The following FSCN1 variants were observed in gnomAD, a reference collection of about 807,000 sequenced individuals.
The protein encoded by FSCN1 is fascin actin-bundling protein 1, also known as fascin.
FSCN1 carries 10 observed loss-of-function variants against 39.7 expected under a neutral mutation model. That is an observed-to-expected ratio of 0.25 (90% CI 0.16 to 0.43). The LOEUF (loss-of-function observed/expected upper bound fraction) is 0.43, where lower values mean the gene tolerates loss of function less well. FSCN1 is among the 20% of genes least tolerant of loss of function. The probability of loss-of-function intolerance (pLI) is 1.00; values close to 1 mark genes in which losing one functional copy is unlikely to be tolerated. For synonymous variants in FSCN1, 322 were observed against 320.0 expected, an observed-to-expected ratio of 1.01 and a Z score of -0.07; for missense variants, 525 against 723.8, an observed-to-expected ratio of 0.73 and a Z score of 3.15.
At chr7:5,595,082 G>A (rs1785707116) in intron 1 of FSCN1, among the ~76,000 whole-genome samples, 1 of 152,120 alleles carries the variant, frequency 6.6e-6, no homozygotes, top group African/African-American at 2.4e-5. Context: ...ATAGGAAGTC[G>A]GACCCCAGGC....
intron 1 of FSCN1, 158 bp downstream of exon 1, chr7:5,593,926 AG>A: frequency 5.1e-6 from 3 of 589,530 alleles, no homozygotes; most frequent in Non-Finnish European, 8.7e-6. Flanking sequence ...CCCCGCCTGG[AG>A]GGGGCGAGGA....
At position 5,593,550 on chromosome 7, in the gene FSCN1, G is replaced by C. The variant is rs1785672171; in HGVS notation, c.614G>C (p.Arg205Pro). The change falls in exon 1 of 5, where the codon CGC becomes CCC. Residue 205 changes from arginine to proline, a missense_variant. By Grantham distance (103) the Arg-to-Pro change is moderately radical. Transcript: ENST00000382361. ...CGCCACGACGGGCGCCTGGTGGCGC[G>C]CCCCGAGCCGGCCACTGGCTACACG... ...FLRHDGRLVA[R>P]PEPATGYTLE... 8 of 1,587,506 alleles carry C rather than the reference G, an allele frequency of 5.0e-6. No individual in the cohort carries two copies. The highest frequency in any genetic ancestry group is 6.8e-6 in the Non-Finnish European group (8 of 1,172,408).
In FSCN1 at chr7:5,593,779, A is replaced by G. The variant is rs774558302; in HGVS notation, c.832+11A>G. 4.6e-6 allele frequency: 7 copies of G among 1,512,514 alleles called. No homozygotes were observed. The African/African-American group carries it at 8.3e-5, about 18-fold the overall frequency. 93.7% of individuals were successfully genotyped at this position (1,512,514 alleles called of 1,614,324 possible). On this transcript the variant is annotated intron_variant, in intron 1 of 4. Coordinates refer to ENST00000382361, the MANE Select transcript of FSCN1 (RefSeq NM_003088.4). Reference sequence around the variant, plus strand: ...TGTCCACGCGCCAGGGTGAGTGGGGACGCTGCCCCCGCCTCTCCTGGTCCG... The same window carrying G: ...TGTCCACGCGCCAGGGTGAGTGGGGGCGCTGCCCCCGCCTCTCCTGGTCCG...
Position 5,593,241 on chromosome 7 carries a change from C to T in FSCN1, c.305C>T (p.Ser102Leu). 6.2e-7 allele frequency: 1 copy of T among 1,608,476 alleles called. No individual in the cohort carries two copies. Among genetic ancestry groups the T allele is most frequent in the South Asian group, 1.1e-5 (1 of 90,598 alleles). Residue 102 changes from serine (S) to leucine (L), a missense_variant, in exon 1 of 5, where the codon TCG (serine) becomes TTG (leucine). Ser to Leu is a moderately radical substitution (Grantham distance 145, BLOSUM62 -2). This residue lies in a region of FSCN1 where 246 missense variants were observed against 350.6 expected (regional missense o/e 0.70). Transcript: ENST00000382361. ...LIVAHDDGRW[S>L]LQSEAHRRYF... ...GTGGCGCACGACGACGGTCGCTGGT[C>T]GCTGCAGTCCGAGGCGCACCGGCGC...
chr7:5,600,038 C>A (rs192216045), intron 1 of FSCN1, among the ~76,000 whole-genome samples: 1 of 152,360 alleles, frequency 6.6e-6, no homozygotes, highest in East Asian at 1.9e-4. Context: ...TGAATTTGTG[C>A]TGCTGGAGCC....
chr7:5,596,223 CG>C (rs1562745832), intron 1 of FSCN1, among the ~76,000 whole-genome samples: 1 of 151,878 alleles, frequency 6.6e-6, no homozygotes. Context: ...CGTCTGCTTC[CG>C]ACACACATGC....
At chr7:5,601,671 G>A (rs1640240) in intron 1 of FSCN1, among the ~76,000 whole-genome samples, 21,778 of 151,872 alleles carry the variant, frequency 0.14, 1,570 homozygotes, top group South Asian at 0.17. Flanking sequence ...GACCCTGTCT[G>A]TACCAAATAG....
intron 1 of FSCN1, among the ~76,000 whole-genome samples, chr7:5,595,743 T>C (rs1785718912): frequency 6.6e-6 from 1 of 151,884 alleles, no homozygotes; most frequent in Admixed American, 6.6e-5. Flanking sequence ...GGACCTTGGG[T>C]GAGAGCTTAG....
intron 1 of FSCN1, 93 bp downstream of exon 1, chr7:5,593,861 G>C: frequency 1.1e-6 from 1 of 902,420 alleles, no homozygotes; most frequent in East Asian, 2.9e-5. Context: ...CTCGCTCGCG[G>C]CGCCGCTGCG....
chr7:5,601,713 G>T (rs1785834648), intron 1 of FSCN1, among the ~76,000 whole-genome samples: 1 of 152,102 alleles, frequency 6.6e-6, no homozygotes, highest in South Asian at 2.1e-4. Flanking sequence ...GGTGGTGTGT[G>T]CCTGTAGTCT....
intron 1 of FSCN1, among the ~76,000 whole-genome samples, chr7:5,598,665 CCT>C (rs1015001077): frequency 2.6e-5 from 4 of 152,178 alleles, no homozygotes; most frequent in African/African-American, 9.7e-5. Context: ...TCCTTTTGCC[CCT>C]CTTTCTGGGG....
chr7:5,596,969 G>A (rs1025056455), intron 1 of FSCN1, among the ~76,000 whole-genome samples: 2 of 152,186 alleles, frequency 1.3e-5, no homozygotes, highest in Non-Finnish European at 1.5e-5. Flanking sequence ...GGGCATCTGG[G>A]GACCGTTAAG....
Position 5,603,972 on chromosome 7 carries a change from C to G in FSCN1, c.1221C>G (p.Asn407Lys). 6.2e-7 allele frequency: 1 copy of G among 1,614,032 alleles called. No homozygotes were observed. The highest frequency in any genetic ancestry group is 8.5e-7 in the Non-Finnish European group (1 of 1,180,024). ...CRKVTGTLDA[N>K]RSSYDVFQLE... ...AGGTCACGGGCACCCTGGACGCCAA[C>G]CGCTCCAGCTATGACGTCTTCCAGC... Residue 407 changes from asparagine (N) to lysine (K), a missense_variant, in exon 4 of 5, where the codon AAC becomes AAG. Asn to Lys is a moderately conservative substitution (Grantham distance 94). This residue lies in a region of FSCN1 where 275 missense variants were observed against 351.9 expected (regional missense o/e 0.78). Coordinates refer to ENST00000382361, the MANE Select transcript of FSCN1 (RefSeq NM_003088.4). This position sits in a 1 kb window ranked among gnomAD's most constrained non-coding sequence, Gnocchi z 8.5.
At chr7:5,602,304 T>A (rs1041672157) in intron 1 of FSCN1, among the ~76,000 whole-genome samples, 2 of 151,910 alleles carry the variant, frequency 1.3e-5, no homozygotes, top group Admixed American at 1.3e-4. Context: ...CCCAAAAGGC[T>A]GGGATTGCAG....
chr7:5,596,479 T>C (rs1785732483), intron 1 of FSCN1, among the ~76,000 whole-genome samples: 1 of 152,212 alleles, frequency 6.6e-6, no homozygotes, highest in Non-Finnish European at 1.5e-5. Context: ...CTGGGTCAGC[T>C]GAGTGAGTGC....
At chr7:5,602,442 C>G (rs1428055722) in intron 1 of FSCN1, among the ~76,000 whole-genome samples, 1 of 152,032 alleles carries the variant, frequency 6.6e-6, no homozygotes, top group Non-Finnish European at 1.5e-5. Flanking sequence ...ACACGGCCCC[C>G]CAAGATGCGC....
chr7:5,600,744 C>T (rs911298747), intron 1 of FSCN1, among the ~76,000 whole-genome samples: 3 of 151,860 alleles, frequency 2.0e-5, no homozygotes, highest in Non-Finnish European at 4.4e-5. Context: ...AGCTCCACCT[C>T]CCGGGTTCAC....
rs1785877666 is a variant in FSCN1 at position 5,603,760 on chromosome 7, G to T, written c.1112-103G>T. The T allele has an allele frequency of 7.0e-7, 1 of 1,433,940 alleles. No individual in the cohort carries two copies. The highest frequency in any genetic ancestry group is 1.2e-5 in the South Asian group (1 of 80,500). 88.8% of individuals were successfully genotyped at this position (1,433,940 alleles called of 1,614,324 possible). On this transcript the variant is annotated intron_variant, in intron 3 of 4. Coordinates refer to ENST00000382361, the MANE Select transcript of FSCN1 (RefSeq NM_003088.4). The surrounding 1 kb of genome is among the most constrained non-coding windows in gnomAD (Gnocchi z 8.5). The stretch of plus-strand genomic sequence containing the variant: ...TGGCCCCGCACTGTCCTACCCTGGG[G>T]ACTGCTGTGTGACCCCAGCTCCTGG...
At chr7:5,600,617 G>A (rs1181044241) in intron 1 of FSCN1, among the ~76,000 whole-genome samples, 4 of 149,620 alleles carry the variant, frequency 2.7e-5, no homozygotes, top group Non-Finnish European at 4.4e-5. Context: ...TCAGCCTCCC[G>A]AGCAGCTGGG....
Sources: gnomAD v4.1 joint callset for allele counts (sites outside exome capture counted in the v4.1 genomes callset) on GRCh38, gnomAD v4.1.1 for gene constraint, gnomAD v4.1.1 regional missense constraint, Gnocchi (gnomAD v3.1) non-coding constraint, MANE v1.5 for transcripts, NCBI Gene and HGNC (gene_info 2026-07-23, HGNC 2026-07-21) for gene names.